Variants in PLPP4 observed in about 807,000 individuals in gnomAD.
The protein encoded by PLPP4 is diacylglycerol pyrophosphate like 2.
PLPP4 carries 20 observed loss-of-function variants against 32.2 expected under a neutral mutation model. The observed-to-expected ratio is 0.62, with a 90% CI of 0.44 to 0.90. The LOEUF (loss-of-function observed/expected upper bound fraction) is 0.90, where lower values mean the gene tolerates loss of function less well. Ranked by LOEUF, PLPP4 falls within the 40% of genes least tolerant of loss-of-function variation. The probability of loss-of-function intolerance (pLI) is 0.00; values close to 1 mark genes in which losing one functional copy is unlikely to be tolerated. For missense variants in PLPP4, 257 were observed against 353.1 expected (o/e 0.73, Z 2.18); for synonymous variants, 127 against 133.0 (o/e 0.95, Z 0.31).
chr10:120,563,868 A>C (rs1589889697), intron 5 of PLPP4, among the ~76,000 whole-genome samples: 1 of 148,854 alleles, frequency 6.7e-6, no homozygotes, highest in African/African-American at 2.5e-5. Context: ...TTGTCTTGAG[A>C]TATTTTAGTA....
intron 1 of PLPP4, among the ~76,000 whole-genome samples, chr10:120,465,980 A>C (rs1848289079): frequency 6.6e-6 from 1 of 152,110 alleles, no homozygotes; most frequent in Non-Finnish European, 1.5e-5. Context: ...TTGGCTATTA[A>C]GTGCAATGCT....
At chr10:120,514,137 A>C (rs1845841400) in intron 3 of PLPP4, 136 bp downstream of exon 3, 1 of 741,238 alleles carries the variant, frequency 1.3e-6, no homozygotes, top group African/African-American at 1.8e-5. Flanking sequence ...AGATAAGATA[A>C]AGATAAACTT....
chr10:120,562,155 T>G (rs1029506123), intron 5 of PLPP4, among the ~76,000 whole-genome samples: 7 of 152,202 alleles, frequency 4.6e-5, no homozygotes, highest in Non-Finnish European at 8.8e-5. Flanking sequence ...TTGCACATCA[T>G]TTATAAGACT....
intron 4 of PLPP4, 148 bp from the exon 5 acceptor site, chr10:120,520,823 G>A (rs1199249190): frequency 1.3e-5 from 13 of 972,188 alleles, no homozygotes; most frequent in African/African-American, 1.6e-5. Flanking sequence ...AAACGGCTGT[G>A]TCTAGAGTAT....
At position 120,518,814 on chromosome 10, in the gene PLPP4, T is replaced by A. The variant is rs1278549535; in HGVS notation, c.257-19T>A. On this transcript the variant is annotated intron_variant, in intron 3 of 6. Coordinates refer to ENST00000398250, the MANE Select transcript of PLPP4 (RefSeq NM_001030059.3). ...AGAGCCAGCTTGCTATTTTTCTGTC[T>A]GTTGGTTTTGTTTTGTAGCGGTGTC... 6 of 1,608,268 alleles carry A rather than the reference T, an allele frequency of 3.7e-6. No homozygotes were observed. Among genetic ancestry groups the A allele is most frequent in the Non-Finnish European group, 5.1e-6 (6 of 1,176,782 alleles).
At chr10:120,547,209 A>G (rs1847666771) in intron 5 of PLPP4, among the ~76,000 whole-genome samples, 1 of 152,100 alleles carries the variant, frequency 6.6e-6, no homozygotes, top group Admixed American at 6.5e-5. Flanking sequence ...ATGTTTAGTT[A>G]AACCCTAATA....
At chr10:120,561,992 A>G (rs1214114471) in intron 5 of PLPP4, among the ~76,000 whole-genome samples, 1 of 152,188 alleles carries the variant, frequency 6.6e-6, no homozygotes, top group South Asian at 2.1e-4. Flanking sequence ...AGTTCCATGA[A>G]AACCCTTACT....
chr10:120,531,309 T>C (rs2133936651), intron 5 of PLPP4, among the ~76,000 whole-genome samples: 1 of 152,206 alleles, frequency 6.6e-6, no homozygotes, highest in East Asian at 1.9e-4. Flanking sequence ...ATTCACCGTG[T>C]TGGCCAGGAT....
chr10:120,565,831 C>A (rs1405364873), intron 5 of PLPP4, among the ~76,000 whole-genome samples: 2 of 152,048 alleles, frequency 1.3e-5, no homozygotes, highest in Non-Finnish European at 2.9e-5. Flanking sequence ...GCCTTCTCAC[C>A]ACATCATCCA....
chr10:120,539,581 G>A (rs926642819), intron 5 of PLPP4, among the ~76,000 whole-genome samples: 9 of 152,128 alleles, frequency 5.9e-5, no homozygotes, highest in Non-Finnish European at 1.2e-4. Context: ...GACTTGGGGC[G>A]GGGCAGAGAT....
chr10:120,578,377 G>A (rs576898531), intron 6 of PLPP4, among the ~76,000 whole-genome samples: 27 of 152,272 alleles, frequency 1.8e-4, no homozygotes, highest in African/African-American at 5.5e-4. Flanking sequence ...GACTGTGGGC[G>A]GGGGCCATCC....
chr10:120,574,202 T>C (rs1196017418), intron 5 of PLPP4, among the ~76,000 whole-genome samples: 6 of 145,104 alleles, frequency 4.1e-5, no homozygotes, highest in Non-Finnish European at 7.5e-5. Context: ...TCTCTCTCTC[T>C]CTCTCTCTCT....
chr10:120,506,986 G>A (rs141506845), intron 2 of PLPP4, among the ~76,000 whole-genome samples: 23 of 152,356 alleles, frequency 1.5e-4, no homozygotes, highest in Admixed American at 3.9e-4. Context: ...TTTATGGAAG[G>A]CTGTTTCCTC....
At chr10:120,522,792 C>A (rs1199727039) in intron 5 of PLPP4, among the ~76,000 whole-genome samples, 3 of 152,126 alleles carry the variant, frequency 2.0e-5, no homozygotes, top group Non-Finnish European at 4.4e-5. Context: ...AATAAAGTAA[C>A]CATGTGATGA....
chr10:120,483,704 C>T (rs1799806856), intron 1 of PLPP4, among the ~76,000 whole-genome samples: 1 of 152,204 alleles, frequency 6.6e-6, no homozygotes, highest in South Asian at 2.1e-4. Flanking sequence ...TCAGTGCCCT[C>T]CTTGGGGATG....
chr10:120,578,483 T>C (rs1359378936), intron 6 of PLPP4, among the ~76,000 whole-genome samples: 1 of 152,168 alleles, frequency 6.6e-6, no homozygotes, highest in African/African-American at 2.4e-5. Context: ...TGTTGTGAGA[T>C]TTTATGACTC....
intron 5 of PLPP4, among the ~76,000 whole-genome samples, chr10:120,571,861 C>A (rs1848956165): frequency 6.6e-6 from 1 of 152,122 alleles, no homozygotes; most frequent in Non-Finnish European, 1.5e-5. Context: ...CCTCAAAAGT[C>A]CTTTGTCAAA....
At chr10:120,491,103 C>T (rs1024058699) in intron 1 of PLPP4, among the ~76,000 whole-genome samples, 8 of 152,082 alleles carry the variant, frequency 5.3e-5, no homozygotes, top group African/African-American at 1.2e-4. Context: ...AGACAGGAGC[C>T]GAGTTCTGGA....
intron 5 of PLPP4, among the ~76,000 whole-genome samples, chr10:120,532,808 AT>A (rs1444362749): frequency 2.0e-5 from 3 of 152,102 alleles, no homozygotes; most frequent in East Asian, 3.9e-4. Context: ...TTAGTACTTT[AT>A]TTTTTATTGC....
Sources: allele counts gnomAD v4.1 joint callset (sites outside exome capture counted in the v4.1 genomes callset), GRCh38; gene constraint gnomAD v4.1.1; transcripts MANE v1.5; gene names NCBI Gene and HGNC (gene_info 2026-07-23, HGNC 2026-07-21).